The following OR2J1 variants were observed in gnomAD, a reference collection of about 807,000 sequenced individuals.
OR2J1 encodes olfactory receptor family 2 subfamily J member 1.
Under a neutral mutation model 10.2 loss-of-function variants are expected in OR2J1, and 10 were observed. The observed-to-expected ratio is 0.98, with a 90% CI of 0.60 to 1.66. The LOEUF is 1.66. OR2J1 is among the 40% of genes most tolerant of loss of function. The pLI is 0.00. For synonymous variants in OR2J1, 143 were observed against 138.8 expected (o/e 1.03, Z -0.21); for missense variants, 317 against 379.4 (o/e 0.84, Z 1.37).
Position 29,101,810 on chromosome 6 carries a change from A to T in OR2J1, c.868A>T (p.Ile290Phe). The T allele has an allele frequency of 6.3e-7, 1 of 1,588,504 alleles. No individual in the cohort carries two copies. The change falls in exon 2 of 2, where the codon ATC becomes TTC. Residue 290 changes from isoleucine to phenylalanine, a missense_variant. Ile to Phe is a conservative substitution (Grantham distance 21, BLOSUM62 0). Coordinates refer to ENST00000641659, the MANE Select transcript of OR2J1 (RefSeq NM_001348294.2). ...TVVTPSLNPL[I>F]YTFRNKDVRG... is the part of the protein sequence containing the mutation. ...TGTCACACCTAGTCTTAACCCTCTA[A>T]TCTACACTTTCAGAAACAAGGATGT...
Position 29,101,010 on chromosome 6 carries a change from A to G in OR2J1, c.68A>G (p.His23Arg), listed in dbSNP as rs749394471. ...CTACTTGGATTTTCTAACTGGCCTC[A>G]TCTGGAAGTAGTTCTCTTTGTGGTT... ...FLLLGFSNWP[H>R]LEVVLFVVIL... is the part of the protein sequence containing the mutation. Residue 23 changes from histidine to arginine, a missense_variant, in exon 2 of 2, where the codon CAT (histidine) becomes CGT (arginine). Transcript: ENST00000641659. 17 of 1,494,728 alleles carry G rather than the reference A, an allele frequency of 1.1e-5. No individual in the cohort carries two copies. The African/African-American group carries it at 1.7e-4, about 15-fold the overall frequency. The allele number at this position is 1,494,728 out of a possible 1,614,324, so 92.6% of individuals were successfully genotyped here. A position where few individuals can be genotyped will look rare whatever the true frequency, so the allele number is the denominator to read the frequency against.
chr6:29,100,866 T>A lies in OR2J1; in HGVS notation c.-77T>A. The A allele has an allele frequency of 1.4e-6, 1 of 699,780 alleles. No individual in the cohort carries two copies. The highest frequency in any genetic ancestry group is 1.8e-5 in the African/African-American group (1 of 56,146). The allele number at this position is 699,780 out of a possible 1,614,324, so 43.3% of individuals were successfully genotyped here. ...GGGATACTTTTTTCTCCAATCTGTTTGCAAGTGAGCAGTTGGCAATGCATG... is the reference window on the plus strand; with the variant it reads ...GGGATACTTTTTTCTCCAATCTGTTAGCAAGTGAGCAGTTGGCAATGCATG... On this transcript the variant is annotated 5_prime_UTR_variant, in exon 2 of 2. Transcript: ENST00000641659.
In OR2J1 at chr6:29,100,912, G is replaced by A. The variant is rs760560644; in HGVS notation, c.-31G>A. 42 of 968,366 alleles carry A rather than the reference G, an allele frequency of 4.3e-5. No homozygotes were observed. Among genetic ancestry groups the A allele is most frequent in the East Asian group, 7.2e-5 (3 of 41,828 alleles). The allele number at this position is 968,366 out of a possible 1,614,324, so 60.0% of individuals were successfully genotyped here. A position where few individuals can be genotyped will look rare whatever the true frequency, so the allele number is the denominator to read the frequency against. On this transcript the variant is annotated 5_prime_UTR_variant, in exon 2 of 2. Coordinates refer to ENST00000641659, the MANE Select transcript of OR2J1 (RefSeq NM_001348294.2). ...GCATGGACAGACTTTGAGTTTATGC[G>A]ATTCTTTCTTTAGGTACAGGAAAAA...
In OR2J1 at chr6:29,102,383, CATA is replaced by C; in HGVS notation, c.*505_*507del. ...ATTTATTATATGGTAAAGGATATGT[CATA>C]ATTTTTTGGTTGAAGTTCACTTTTT... On this transcript the variant is annotated 3_prime_UTR_variant, in exon 2 of 2. Transcript: ENST00000641659. 1 of 152,600 alleles carries C rather than the reference CATA, an allele frequency of 6.6e-6. No individual in the cohort carries two copies. Among genetic ancestry groups the C allele is most frequent in the South Asian group, 2.1e-4 (1 of 4,832 alleles). The allele number at this position is 152,600 out of a possible 1,614,324, so 9.5% of individuals were successfully genotyped here. A position where few individuals can be genotyped will look rare whatever the true frequency, so the allele number is the denominator to read the frequency against.
At chr6:29,100,569 G>A (rs1249223406) in intron 1 of OR2J1, 191 bp from the exon 2 acceptor site, 1 of 159,228 alleles carries the variant, frequency 6.3e-6, no homozygotes, top group East Asian at 1.8e-4. Context: ...TCCTTTCTCT[G>A]TAACTGCAAA....
In OR2J1 at chr6:29,101,954, G is replaced by T; in HGVS notation, c.*73G>T. The T allele has an allele frequency of 3.0e-6, 2 of 656,986 alleles. No homozygotes were observed. Among genetic ancestry groups the T allele is most frequent in the South Asian group, 1.9e-5 (1 of 53,486 alleles). 40.7% of individuals were successfully genotyped at this position (656,986 alleles called of 1,614,324 possible). ...TGAAAGGTTGTTTCCCTGCTTCTTT[G>T]TGATTTGTGTTTCATCTAACAGCTC... On this transcript the variant is annotated 3_prime_UTR_variant, in exon 2 of 2. Transcript: ENST00000641659.
rs1303556801 is a variant in OR2J1, at chr6:29,101,629, G to A, written c.687G>A (p.Met229Ile). The A allele has an allele frequency of 4.3e-6, 7 of 1,612,552 alleles. No homozygotes were observed. Among genetic ancestry groups the A allele is most frequent in the Non-Finnish European group, 5.9e-6 (7 of 1,178,676 alleles). ...CCATTGCCCGGGCTGTACTGAGCAT[G>A]CAATCAACCACTGGGCTTCAGAAAG... is the stretch of plus-strand genomic sequence containing the variant. Reference protein sequence around the residue: ...YGAIARAVLSMQSTTGLQKVL... With the variant: ...YGAIARAVLSIQSTTGLQKVL... The change falls in exon 2 of 2, where the codon ATG (methionine) becomes ATA (isoleucine). Residue 229 changes from methionine to isoleucine, a missense_variant. Coordinates refer to ENST00000641659, the MANE Select transcript of OR2J1 (RefSeq NM_001348294.2).
rs1761662858 is a variant in OR2J1 at position 29,101,957 on chromosome 6, A to T, written c.*76A>T. 1.5e-6 allele frequency: 1 copy of T among 653,676 alleles called. No homozygotes were observed. The highest frequency in any genetic ancestry group is 2.7e-6 in the Non-Finnish European group (1 of 370,694). 40.5% of individuals were successfully genotyped at this position (653,676 alleles called of 1,614,324 possible). A position where few individuals can be genotyped will look rare whatever the true frequency, so the allele number is the denominator to read the frequency against. ...AAGGTTGTTTCCCTGCTTCTTTGTG[A>T]TTTGTGTTTCATCTAACAGCTCACA... is the stretch of plus-strand genomic sequence containing the variant. On this transcript the variant is annotated 3_prime_UTR_variant, in exon 2 of 2. Transcript: ENST00000641659.
At chr6:29,100,138 ACCT>A (rs1761508935) in intron 1 of OR2J1, among the ~76,000 whole-genome samples, 1 of 151,856 alleles carries the variant, frequency 6.6e-6, no homozygotes, top group East Asian at 1.9e-4. Flanking sequence ...CCACATTCTG[ACCT>A]CCTCTTCACT....
Position 29,101,632 on chromosome 6 carries a change from A to G in OR2J1, c.690A>G (p.Gln230=), listed in dbSNP as rs756859225. The change falls in exon 2 of 2, where the codon CAA becomes CAG. Residue 230 remains glutamine (Q), a synonymous_variant. Transcript: ENST00000641659. ...GAIARAVLSM[Q]STTGLQKVLR... Reference sequence around the variant, plus strand: ...TTGCCCGGGCTGTACTGAGCATGCAATCAACCACTGGGCTTCAGAAAGTGC... The same window carrying G: ...TTGCCCGGGCTGTACTGAGCATGCAGTCAACCACTGGGCTTCAGAAAGTGC... 6.4e-5 allele frequency: 103 copies of G among 1,612,848 alleles called. No homozygotes were observed. Among genetic ancestry groups the G allele is most frequent in the Admixed American group, 6.7e-5 (4 of 59,984 alleles).
intron 1 of OR2J1, among the ~76,000 whole-genome samples, chr6:29,100,097 C>G (rs868185552): frequency 1.3e-5 from 2 of 152,140 alleles, no homozygotes; most frequent in African/African-American, 4.8e-5. Context: ...GTCTAACAAT[C>G]CTGTGTTATA....
At chr6:29,100,067 A>G (rs2150938118) in intron 1 of OR2J1, among the ~76,000 whole-genome samples, 1 of 152,330 alleles carries the variant, frequency 6.6e-6, no homozygotes, top group Non-Finnish European at 1.5e-5. Context: ...TAGAAACCAC[A>G]TTTAAGTCTT....
In OR2J1 at chr6:29,101,781, C is replaced by T. The variant is rs747456538; in HGVS notation, c.839C>T (p.Thr280Ile). 161 of 1,609,058 alleles carry T rather than the reference C, an allele frequency of 1.0e-4. No homozygotes were observed. Among genetic ancestry groups the T allele is most frequent in the Non-Finnish European group, 1.3e-4 (152 of 1,175,468 alleles). ...GGCAAGTTCATTGCCCTCTTTTACA[C>T]TGTTGTCACACCTAGTCTTAACCCT... is the stretch of plus-strand genomic sequence containing the variant. The part of the protein sequence containing the change: ...DQGKFIALFY[T>I]VVTPSLNPLI... Residue 280 changes from threonine to isoleucine, a missense_variant, in exon 2 of 2, where the codon ACT becomes ATT. Transcript: ENST00000641659.
Position 29,101,094 on chromosome 6 carries a change from A to G in OR2J1, c.152A>G (p.Tyr51Cys). The change falls in exon 2 of 2, where the codon TAC (tyrosine) becomes TGC (cysteine). Residue 51 changes from tyrosine (Y) to cysteine (C), a missense_variant. Coordinates refer to ENST00000641659, the MANE Select transcript of OR2J1 (RefSeq NM_001348294.2). ...IGNLFIIILS[Y>C]LDSHLHTPMY... is the part of the protein sequence containing the mutation. ...AACCTGTTCATCATCATCCTGTCAT[A>G]CCTGGACTCCCATCTCCACACTCCC... is the stretch of plus-strand genomic sequence containing the variant. 6.5e-7 allele frequency: 1 copy of G among 1,546,572 alleles called. No individual in the cohort carries two copies. Among genetic ancestry groups the G allele is most frequent in the Non-Finnish European group, 8.9e-7 (1 of 1,118,520 alleles).
At chr6:29,100,390 G>A (rs111441315) in intron 1 of OR2J1, among the ~76,000 whole-genome samples, 24 of 152,060 alleles carry the variant, frequency 1.6e-4, no homozygotes, top group African/African-American at 5.8e-4. Flanking sequence ...TATTTTATTC[G>A]TCTAGAAATA....
chr6:29,101,192 G>A lies in OR2J1; in HGVS notation c.250G>A (p.Val84Met), dbSNP rs1489140016. 9 of 1,594,012 alleles carry A rather than the reference G, an allele frequency of 5.6e-6. No homozygotes were observed. Among genetic ancestry groups the A allele is most frequent in the Non-Finnish European group, 7.7e-6 (9 of 1,161,942 alleles). Residue 84 changes from valine (V) to methionine (M), a missense_variant, in exon 2 of 2, where the codon GTG becomes ATG. Val to Met is a conservative substitution (Grantham distance 21). Coordinates refer to ENST00000641659, the MANE Select transcript of OR2J1 (RefSeq NM_001348294.2). ...CACCAGCTCTATCCCTCAGTTGCTG[G>A]TGAATCTCTGGGGCCCGGAAAAGAC... ...YTTSSIPQLLVNLWGPEKTIS... is the reference protein window; with the variant it reads ...YTTSSIPQLLMNLWGPEKTIS...
Position 29,100,644 on chromosome 6 carries a change from C to A in OR2J1, c.-183-116C>A, listed in dbSNP as rs961124176. ...ACTTTTTAAAATAAAAAATTATTTT[C>A]TTAAATATTGTCTTTCTGATTATGG... On this transcript the variant is annotated intron_variant, in intron 1 of 1. Transcript: ENST00000641659. 3 of 207,162 alleles carry A rather than the reference C, an allele frequency of 1.4e-5. No homozygotes were observed. In the Admixed American group the frequency reaches 1.7e-4, roughly 12 times the overall value. 12.8% of individuals were successfully genotyped at this position (207,162 alleles called of 1,614,324 possible). A position where few individuals can be genotyped will look rare whatever the true frequency, so the allele number is the denominator to read the frequency against.
Position 29,101,661 on chromosome 6 carries a change from G to A in OR2J1, c.719G>A (p.Arg240Lys). 1 of 1,613,646 alleles carries A rather than the reference G, an allele frequency of 6.2e-7. No homozygotes were observed. The highest frequency in any genetic ancestry group is 2.2e-5 in the East Asian group (1 of 44,878). The change falls in exon 2 of 2, where the codon AGG becomes AAG. Residue 240 changes from arginine (R) to lysine (K), a missense_variant. Coordinates refer to ENST00000641659, the MANE Select transcript of OR2J1 (RefSeq NM_001348294.2). Reference protein sequence around the residue: ...QSTTGLQKVLRTCGAHLMVVS... With the variant: ...QSTTGLQKVLKTCGAHLMVVS... Reference sequence around the variant, plus strand: ...ACCACTGGGCTTCAGAAAGTGCTTAGGACATGTGGAGCCCATCTTATGGTT... The same window carrying A: ...ACCACTGGGCTTCAGAAAGTGCTTAAGACATGTGGAGCCCATCTTATGGTT...
At position 29,101,303 on chromosome 6, in the gene OR2J1, T is replaced by G. The variant is rs184148913; in HGVS notation, c.361T>G (p.Tyr121Asp). 6.2e-7 allele frequency: 1 copy of G among 1,602,444 alleles called. No homozygotes were observed. The highest frequency in any genetic ancestry group is 2.2e-5 in the East Asian group (1 of 44,854). The change falls in exon 2 of 2, where the codon TAT (tyrosine) becomes GAT (aspartate). Residue 121 changes from tyrosine to aspartate, a missense_variant. Tyr to Asp is a radical substitution (Grantham distance 160, BLOSUM62 -3). Transcript: ENST00000641659. ...GTGTGTCCTACTGGTGGTGATGTCC[T>G]ATGATCGTTATGCAGCTGTGTGTAG... ...AECVLLVVMSYDRYAAVCRPL... is the reference protein window; with the variant it reads ...AECVLLVVMSDDRYAAVCRPL...
Sources: allele counts gnomAD v4.1 joint callset (sites outside exome capture counted in the v4.1 genomes callset), GRCh38; gene constraint gnomAD v4.1.1; transcripts MANE v1.5; gene names NCBI Gene and HGNC (gene_info 2026-07-23, HGNC 2026-07-21).